Variants in PPFIA2 observed in about 807,000 individuals in gnomAD.
The protein encoded by PPFIA2 is PPFI scaffold protein A2.
PPFIA2 carries 46 observed loss-of-function variants against 175.5 expected under a neutral mutation model. That is an observed-to-expected ratio of 0.26 (90% CI 0.21 to 0.34). The LOEUF (loss-of-function observed/expected upper bound fraction) is 0.34. Among genes scored for constraint, PPFIA2 ranks in the 10% least tolerant of loss-of-function variants. The pLI, the probability that PPFIA2 is intolerant of heterozygous loss-of-function variation, is 1.00. For synonymous variants in PPFIA2, 568 were observed against 511.4 expected (o/e 1.11, Z -1.49); for missense variants, 1,179 against 1,506.1 (o/e 0.78, Z 3.60).
At chr12:81,314,111 C>A (rs1266457541) in intron 22 of PPFIA2, among the ~76,000 whole-genome samples, 1 of 151,780 alleles carries the variant, frequency 6.6e-6, no homozygotes, top group African/African-American at 2.4e-5. Flanking sequence ...GCAGCTATAT[C>A]ACTTTAGAAT....
intron 3 of PPFIA2, among the ~76,000 whole-genome samples, chr12:81,729,653 A>G (rs1034705853): frequency 6.6e-6 from 1 of 151,568 alleles, no homozygotes; most frequent in Non-Finnish European, 1.5e-5. Context: ...GGAATTTAAA[A>G]TAGGAAGAAT....
At chr12:81,728,834 C>G (rs1331266187) in intron 3 of PPFIA2, among the ~76,000 whole-genome samples, 2 of 151,274 alleles carry the variant, frequency 1.3e-5, no homozygotes, top group Non-Finnish European at 3.0e-5. Flanking sequence ...ACATTCTGAC[C>G]TATTTAACAA....
At chr12:81,273,651 A>C (rs1290249742) in intron 28 of PPFIA2, among the ~76,000 whole-genome samples, 3 of 152,186 alleles carry the variant, frequency 2.0e-5, no homozygotes, top group Non-Finnish European at 4.4e-5. Context: ...CTGGAAGCTG[A>C]ACATGTATCA....
intron 4 of PPFIA2, among the ~76,000 whole-genome samples, chr12:81,629,908 A>T (rs868285009): frequency 9.3e-4 from 142 of 152,288 alleles, no homozygotes; most frequent in East Asian, 7.7e-4. Context: ...AAAAAAGTTT[A>T]CAGATGTGAT....
At chr12:81,669,766 A>C (rs1484932453) in intron 4 of PPFIA2, among the ~76,000 whole-genome samples, 2 of 151,954 alleles carry the variant, frequency 1.3e-5, no homozygotes, top group Non-Finnish European at 2.9e-5. Context: ...CTATGGAGAA[A>C]AAGGTAGAAG....
chr12:81,325,187 T>C (rs1006723387), intron 22 of PPFIA2, among the ~76,000 whole-genome samples: 2 of 152,128 alleles, frequency 1.3e-5, no homozygotes, highest in African/African-American at 4.8e-5. Flanking sequence ...AATGTTACTA[T>C]GTATTTTTAA....
chr12:81,688,782 A>G (rs1000528377), intron 3 of PPFIA2, among the ~76,000 whole-genome samples: 36 of 137,932 alleles, frequency 2.6e-4, no homozygotes, highest in Admixed American at 1.4e-3. Flanking sequence ...GAAAGCAAAA[A>G]CAGGGCAAGT....
chr12:81,428,994 AT>A lies in PPFIA2; in HGVS notation c.645+10977del, dbSNP rs138546975. Among the ~76,000 whole-genome samples the A allele has an allele frequency of 5.3e-5, 8 of 152,188 alleles. No homozygotes were observed. The East Asian group carries it at 1.4e-3, about 26-fold the overall frequency. On this transcript the variant is annotated intron_variant, in intron 7 of 32. Coordinates refer to ENST00000549396, the MANE Select transcript of PPFIA2 (RefSeq NM_003625.5). ...AGTTTAGTCATGGCGACTTGTTTCA[AT>A]TGTTAATAAAACAAACAAACAAAAA...
At position 81,507,511 on chromosome 12, in the gene PPFIA2, T is replaced by C. The variant is rs78063063; in HGVS notation, c.304-49645A>G. ...TATCCAATACTCCATCCAAGCTCTG[T>C]AGATGTTATCAAGGCCCAAAACTTG... is the stretch of plus-strand genomic sequence containing the variant. On this transcript the variant is annotated intron_variant, in intron 4 of 32. Coordinates refer to ENST00000549396, the MANE Select transcript of PPFIA2 (RefSeq NM_003625.5). Among the ~76,000 whole-genome samples, 78 of 152,340 alleles carry C rather than the reference T, an allele frequency of 5.1e-4. No homozygotes were observed. The East Asian group carries it at 0.013, about 25-fold the overall frequency.
At chr12:81,575,865 A>C (rs530374691) in intron 4 of PPFIA2, among the ~76,000 whole-genome samples, 1 of 151,724 alleles carries the variant, frequency 6.6e-6, no homozygotes, top group Non-Finnish European at 1.5e-5. Flanking sequence ...CATGCACAGA[A>C]GCTGCAAGTT....
At chr12:81,538,722 G>A (rs964832733) in intron 4 of PPFIA2, among the ~76,000 whole-genome samples, 3 of 151,834 alleles carry the variant, frequency 2.0e-5, no homozygotes, top group African/African-American at 7.3e-5. Flanking sequence ...CAGGATGGGG[G>A]CTGGTGCAGA....
chr12:81,400,200 T>C (rs1370215152), intron 8 of PPFIA2, among the ~76,000 whole-genome samples: 1 of 152,194 alleles, frequency 6.6e-6, no homozygotes, highest in African/African-American at 2.4e-5. Context: ...CTTCACACTA[T>C]GATATCTCAA....
chr12:81,652,286 G>A (rs1413868877), intron 4 of PPFIA2, among the ~76,000 whole-genome samples: 6 of 148,866 alleles, frequency 4.0e-5, no homozygotes, highest in East Asian at 3.9e-4. Flanking sequence ...TGAGGTTTTC[G>A]GCTCATGAAG....
chr12:81,367,263 T>C (rs1338802622), intron 13 of PPFIA2, 93 bp from the exon 14 acceptor site: 7 of 846,878 alleles, frequency 8.3e-6, no homozygotes, highest in Non-Finnish European at 1.1e-5. Context: ...AAGAATCCTC[T>C]TAGATTCCTT....
At chr12:81,427,967 CT>C (rs1389084065) in intron 7 of PPFIA2, among the ~76,000 whole-genome samples, 1 of 151,898 alleles carries the variant, frequency 6.6e-6, no homozygotes, top group African/African-American at 2.4e-5. Flanking sequence ...AATCTTCTGA[CT>C]TAAAGTTAAT....
intron 29 of PPFIA2, 162 bp from the exon 30 acceptor site, chr12:81,267,182 T>G: frequency 2.1e-6 from 1 of 485,950 alleles, no homozygotes; most frequent in Non-Finnish European, 3.7e-6. Flanking sequence ...AAATTTTAAC[T>G]ACAAAAAAAA....
intron 20 of PPFIA2, 73 bp from the exon 21 acceptor site, chr12:81,339,407 C>T (rs1212676124): frequency 2.5e-6 from 3 of 1,188,140 alleles, no homozygotes; most frequent in South Asian, 5.4e-5. Flanking sequence ...TTATAAAATG[C>T]ACCAAAGGAG....
intron 3 of PPFIA2, among the ~76,000 whole-genome samples, chr12:81,715,332 C>T (rs1433560379): frequency 1.3e-5 from 2 of 151,774 alleles, no homozygotes; most frequent in Admixed American, 1.3e-4. Flanking sequence ...GAATCTACTA[C>T]ATGTTAATAC....
At chr12:81,462,590 A>ATG (rs1237244029) in intron 4 of PPFIA2, among the ~76,000 whole-genome samples, 38 of 103,724 alleles carry the variant, frequency 3.7e-4, no homozygotes, top group Admixed American at 1.1e-4. Flanking sequence ...ATATACATAT[A>ATG]TATATATATA....
Sources: gnomAD v4.1 joint callset for allele counts (sites outside exome capture counted in the v4.1 genomes callset) on GRCh38, gnomAD v4.1.1 for gene constraint, MANE v1.5 for transcripts, NCBI Gene and HGNC (gene_info 2026-07-23, HGNC 2026-07-21) for gene names.